The following PLXNC1 variants were observed in gnomAD, a reference collection of about 807,000 sequenced individuals.
PLXNC1 encodes the protein plexin-C1.
In PLXNC1, 75 loss-of-function variants were observed where a neutral mutation model predicts 178.2. The observed-to-expected ratio is 0.42, with a 90% CI of 0.35 to 0.51. The LOEUF (loss-of-function observed/expected upper bound fraction) is 0.51, where lower values mean the gene tolerates loss of function less well. Ranked by LOEUF, PLXNC1 falls within the 20% of genes least tolerant of loss-of-function variation. The pLI is 0.02. For missense variants in PLXNC1, 1,503 were observed against 1,984.4 expected, an observed-to-expected ratio of 0.76 and a Z score of 4.61; for synonymous variants, 790 against 779.9, an observed-to-expected ratio of 1.01 and a Z score of -0.22.
At position 94,249,789 on chromosome 12, in the gene PLXNC1, C is replaced by T. The variant is rs529132637; in HGVS notation, c.2778+1377C>T. On this transcript the variant is annotated intron_variant, in intron 14 of 30. Transcript: ENST00000258526. ...ATGACATAGCTCCTGAGAGCCTACG[C>T]TGTGATGGGGACAGACAGAGAATAA... 2.0e-5 allele frequency among the ~76,000 whole-genome samples: 3 copies of T among 152,204 alleles called. No individual in the cohort carries two copies. The East Asian group carries it at 5.8e-4, about 29-fold the overall frequency.
At chr12:94,171,702 A>G (rs1172474814) in intron 2 of PLXNC1, among the ~76,000 whole-genome samples, 1 of 152,208 alleles carries the variant, frequency 6.6e-6, no homozygotes, top group Non-Finnish European at 1.5e-5. Context: ...GGCTGGGGAC[A>G]CATGCTCCTG....
intron 16 of PLXNC1, 40 bp from the exon 17 acceptor site, chr12:94,255,153 T>G (rs1354322146): frequency 2.1e-5 from 31 of 1,446,746 alleles, no homozygotes; most frequent in Non-Finnish European, 2.9e-5. Flanking sequence ...ATCCATTGTT[T>G]GTTGAGTTAA....
intron 15 of PLXNC1, among the ~76,000 whole-genome samples, chr12:94,253,389 T>C (rs1315752628): frequency 1.3e-5 from 2 of 152,134 alleles, no homozygotes; most frequent in Non-Finnish European, 2.9e-5. Flanking sequence ...GCACCTGTTA[T>C]GTTGCTGATA....
chr12:94,258,739 G>A (rs1170687373), intron 17 of PLXNC1, among the ~76,000 whole-genome samples: 1 of 152,204 alleles, frequency 6.6e-6, no homozygotes, highest in Non-Finnish European at 1.5e-5. Flanking sequence ...CTCTGAGGTG[G>A]GAACCATTAC....
Position 94,209,587 on chromosome 12 carries a change from T to A in PLXNC1, c.1440-3T>A, listed in dbSNP as rs1963404363. ...TCGCTGTTTTGTTGCCTCGTTTTTT[T>A]AGGTGCACTTTTCAAGGAGATTGTG... On this transcript the variant is annotated splice_region_variant and splice_polypyrimidine_tract_variant and intron_variant, in intron 4 of 30. Transcript: ENST00000258526. 2 of 1,588,408 alleles carry A rather than the reference T, an allele frequency of 1.3e-6. No homozygotes were observed. The highest frequency in any genetic ancestry group is 1.7e-6 in the Non-Finnish European group (2 of 1,157,048).
chr12:94,273,609 C>T (rs1047665235), intron 21 of PLXNC1, among the ~76,000 whole-genome samples: 19 of 152,180 alleles, frequency 1.2e-4, no homozygotes, highest in Admixed American at 2.0e-4. Context: ...CTCCCACATT[C>T]TACCTGGCAT....
In PLXNC1 at chr12:94,212,198, C is replaced by T. The variant is rs1469797356; in HGVS notation, c.1554+2494C>T. 4.1e-5 allele frequency among the ~76,000 whole-genome samples: 6 copies of T among 145,916 alleles called. 1 individual carries two copies. The highest frequency in any genetic ancestry group is 2.0e-4 in the East Asian group (1 of 4,922). On this transcript the variant is annotated intron_variant, in intron 5 of 30. Transcript: ENST00000258526. Reference sequence around the variant, plus strand: ...CTGAGGCAGGAGAATGGCGTGAACCCGGGAGGCGGAGCTTGCAGTGAGCCG... The same window carrying T: ...CTGAGGCAGGAGAATGGCGTGAACCTGGGAGGCGGAGCTTGCAGTGAGCCG...
chr12:94,169,197 T>A lies in PLXNC1; in HGVS notation c.1107T>A (p.Ser369=). 6.2e-7 allele frequency: 1 copy of A among 1,613,870 alleles called. No individual in the cohort carries two copies. Among genetic ancestry groups the A allele is most frequent in the Non-Finnish European group, 8.5e-7 (1 of 1,179,726 alleles). Residue 369 remains serine (S), a synonymous_variant, in exon 2 of 31, where the codon TCT becomes TCA. Transcript: ENST00000258526. ...QPERVQPIAS[S]TLIHSDLTSV... ...AAAGAGTCCAACCAATCGCATCATCTACCTTGATCCATTCCGACCTGACAT... is the reference window on the plus strand; with the variant it reads ...AAAGAGTCCAACCAATCGCATCATCAACCTTGATCCATTCCGACCTGACAT...
At chr12:94,211,183 A>G (rs1043728962) in intron 5 of PLXNC1, among the ~76,000 whole-genome samples, 2 of 152,198 alleles carry the variant, frequency 1.3e-5, no homozygotes, top group African/African-American at 4.8e-5. Flanking sequence ...CTTACCACCC[A>G]AACGACCACT....
intron 2 of PLXNC1, among the ~76,000 whole-genome samples, chr12:94,180,546 C>A (rs1406837058): frequency 2.0e-5 from 3 of 152,120 alleles, no homozygotes; most frequent in Non-Finnish European, 4.4e-5. Flanking sequence ...TTTCAAACAC[C>A]CAGAACAGTG....
intron 4 of PLXNC1, among the ~76,000 whole-genome samples, chr12:94,204,121 G>A (rs1018066900): frequency 2.0e-5 from 3 of 152,214 alleles, no homozygotes; most frequent in African/African-American, 7.2e-5. Context: ...AAATTACCCA[G>A]TCTGTGGTAT....
chr12:94,259,551 C>A, intron 18 of PLXNC1, 59 bp from the exon 19 acceptor site: 1 of 1,337,332 alleles, frequency 7.5e-7, no homozygotes, highest in Non-Finnish European at 1.0e-6. Context: ...GGTCTACTTT[C>A]TAACTTTAAA....
At chr12:94,221,696 G>T (rs1179947643) in intron 6 of PLXNC1, among the ~76,000 whole-genome samples, 1 of 152,218 alleles carries the variant, frequency 6.6e-6, no homozygotes, top group East Asian at 1.9e-4. Context: ...TGACTGGGGA[G>T]TCCAAGGTCA....
rs77277983 is a variant in PLXNC1 at position 94,254,770 on chromosome 12, G to A, written c.2882-17G>A. On this transcript the variant is annotated splice_polypyrimidine_tract_variant and intron_variant, in intron 15 of 30. Coordinates refer to ENST00000258526, the MANE Select transcript of PLXNC1 (RefSeq NM_005761.3). Reference sequence around the variant, plus strand: ...TGAGTTACCATGTCCCTCTGATGCAGCATCTCTGTCTCTTAGCGGCCGTGG... The same window carrying A: ...TGAGTTACCATGTCCCTCTGATGCAACATCTCTGTCTCTTAGCGGCCGTGG... The A allele has an allele frequency of 6.4e-7, 1 of 1,560,752 alleles. No individual in the cohort carries two copies. Among genetic ancestry groups the A allele is most frequent in the Admixed American group, 2.0e-5 (1 of 49,130 alleles).
At position 94,181,492 on chromosome 12, in the gene PLXNC1, A is replaced by G. The variant is rs144952921; in HGVS notation, c.1250A>G (p.Tyr417Cys). 19 of 1,594,372 alleles carry G rather than the reference A, an allele frequency of 1.2e-5. No homozygotes were observed. The Admixed American group carries it at 2.0e-4, about 17-fold the overall frequency. The change falls in exon 3 of 31, where the codon TAT becomes TGT. Residue 417 changes from tyrosine to cysteine, a missense_variant. Around this residue, in one of 4 missense-constraint regions of PLXNC1, gnomAD observed 615 missense variants for 698.6 expected, o/e 0.88. Transcript: ENST00000258526. ...ACTTCAAATTGTCCAGAGGTTATCT[A>G]TGAAATTAAAGAAGAGACACCTGTT... ...NLTSNCPEVI[Y>C]EIKEETPVFY...
At chr12:94,298,116 C>T (rs1469978383) in intron 26 of PLXNC1, among the ~76,000 whole-genome samples, 1 of 152,220 alleles carries the variant, frequency 6.6e-6, no homozygotes, top group Non-Finnish European at 1.5e-5. Flanking sequence ...GGGCAGAGGA[C>T]AGCCCAAGCC....
intron 4 of PLXNC1, among the ~76,000 whole-genome samples, chr12:94,203,403 A>G (rs1963200426): frequency 6.6e-6 from 1 of 152,240 alleles, no homozygotes; most frequent in African/African-American, 2.4e-5. Context: ...AGTGTTTCCC[A>G]AGCTTCTTGG....
At chr12:94,279,405 CTT>C in intron 21 of PLXNC1, 65 bp from the exon 22 acceptor site, 1 of 1,443,296 alleles carries the variant, frequency 6.9e-7, no homozygotes, top group Non-Finnish European at 9.5e-7. Context: ...AGGTTTGTGT[CTT>C]TTATGAAATG....
At chr12:94,223,987 G>A (rs1024122078) in intron 6 of PLXNC1, among the ~76,000 whole-genome samples, 3 of 152,154 alleles carry the variant, frequency 2.0e-5, no homozygotes, top group African/African-American at 4.8e-5. Context: ...TTATTCATGG[G>A]AGGCTTGGAA....
Sources: allele counts gnomAD v4.1 joint callset (sites outside exome capture counted in the v4.1 genomes callset), GRCh38; gene constraint gnomAD v4.1.1; regional missense constraint gnomAD v4.1.1; transcripts MANE v1.5; gene names NCBI Gene and HGNC (gene_info 2026-07-23, HGNC 2026-07-21).